The following SHANK2 variants were observed in gnomAD, a reference collection of about 807,000 sequenced individuals.
SHANK2 encodes SH3 and multiple ankyrin repeat domains protein 2.
In SHANK2, 43 loss-of-function variants were observed where a neutral mutation model predicts 133.7. That is an observed-to-expected ratio of 0.32 (90% CI 0.25 to 0.41). The LOEUF is 0.41. Ranked by LOEUF, SHANK2 falls within the 10% of genes least tolerant of loss-of-function variation. The pLI, the probability that SHANK2 is intolerant of heterozygous loss-of-function variation, is 1.00. For missense variants in SHANK2, 1,994 were observed against 2,235.8 expected (o/e 0.89, Z 2.18); for synonymous variants, 1,017 against 952.8 (o/e 1.07, Z -1.24).
intron 3 of SHANK2, among the ~76,000 whole-genome samples, chr11:71,122,210 G>A (rs1213642827): frequency 3.9e-5 from 6 of 152,094 alleles, no homozygotes; most frequent in Non-Finnish European, 4.4e-5. Context: ...TGTTTACTGC[G>A]GCACTATTCA....
chr11:70,790,772 TG>T (rs1413413920), intron 14 of SHANK2, among the ~76,000 whole-genome samples: 1 of 152,170 alleles, frequency 6.6e-6, no homozygotes, highest in Admixed American at 6.5e-5. Context: ...CACCAGGAGG[TG>T]GCTCCTGGCC....
intron 10 of SHANK2, among the ~76,000 whole-genome samples, chr11:70,928,129 C>T (rs919162003): frequency 6.6e-6 from 1 of 151,972 alleles, no homozygotes; most frequent in Non-Finnish European, 1.5e-5. Context: ...TCTAGAGAAC[C>T]CTGGCTAATA....
intron 10 of SHANK2, among the ~76,000 whole-genome samples, chr11:70,932,843 A>C (rs1817695612): frequency 6.6e-6 from 1 of 152,248 alleles, no homozygotes; most frequent in African/African-American, 2.4e-5. Flanking sequence ...TACATAGAAA[A>C]AAAAAGGAAA....
At chr11:70,525,631 G>C (rs929268376) in intron 17 of SHANK2, among the ~76,000 whole-genome samples, 1 of 152,052 alleles carries the variant, frequency 6.6e-6, no homozygotes, top group African/African-American at 2.4e-5. Flanking sequence ...CAGGGTCCTG[G>C]TACTGTGCAG....
At chr11:71,058,363 G>A (rs1327677475) in intron 9 of SHANK2, among the ~76,000 whole-genome samples, 1 of 152,204 alleles carries the variant, frequency 6.6e-6, no homozygotes, top group Admixed American at 6.5e-5. Flanking sequence ...GAATGTTGAC[G>A]TAGCCAATAA....
chr11:70,876,404 C>CA (rs541177567), intron 11 of SHANK2, among the ~76,000 whole-genome samples: 146 of 150,708 alleles, frequency 9.7e-4, no homozygotes, highest in African/African-American at 3.2e-3. Context: ...ACTAAAAATA[C>CA]AAAAAATTAG....
intron 2 of SHANK2, among the ~76,000 whole-genome samples, chr11:71,166,821 G>A (rs1307679755): frequency 6.7e-6 from 1 of 148,940 alleles, no homozygotes; most frequent in Non-Finnish European, 1.5e-5. Context: ...GATCATTCTT[G>A]GGTGTTTCTC....
At chr11:70,767,448 A>G (rs1011370008) in intron 14 of SHANK2, among the ~76,000 whole-genome samples, 2 of 152,192 alleles carry the variant, frequency 1.3e-5, no homozygotes, top group African/African-American at 4.8e-5. Context: ...GAAGGGTGGG[A>G]GCAACCCAAG....
At chr11:70,664,451 T>C (rs1441515608) in intron 15 of SHANK2, among the ~76,000 whole-genome samples, 3 of 152,184 alleles carry the variant, frequency 2.0e-5, no homozygotes, top group Non-Finnish European at 4.4e-5. Flanking sequence ...CAAGAGGAGC[T>C]GCTGAGGGTG....
intron 17 of SHANK2, among the ~76,000 whole-genome samples, chr11:70,632,228 T>G (rs900641627): frequency 6.6e-6 from 1 of 151,930 alleles, no homozygotes; most frequent in Non-Finnish European, 1.5e-5. Context: ...TTCATGCCAT[T>G]CTCCTGCCTC....
intron 17 of SHANK2, among the ~76,000 whole-genome samples, chr11:70,515,637 GAAAAAA>G (rs58440823): frequency 8.8e-5 from 7 of 79,958 alleles, no homozygotes; most frequent in Admixed American, 3.5e-4. Flanking sequence ...CTCGTTCCTT[GAAAAAA>G]AAAAAAAAAA....
chr11:71,229,612 T>C (rs903198639), intron 1 of SHANK2, among the ~76,000 whole-genome samples: 1 of 151,202 alleles, frequency 6.6e-6, no homozygotes, highest in African/African-American at 2.4e-5. Context: ...CTATTACAAA[T>C]ACAAAAATTA....
At chr11:70,612,439 C>G (rs998605963) in intron 17 of SHANK2, among the ~76,000 whole-genome samples, 1 of 152,186 alleles carries the variant, frequency 6.6e-6, no homozygotes, top group Non-Finnish European at 1.5e-5. Context: ...TACGTGTGTA[C>G]ACGTATACAT....
At chr11:70,841,741 G>A (rs780592605) in intron 11 of SHANK2, among the ~76,000 whole-genome samples, 6 of 152,174 alleles carry the variant, frequency 3.9e-5, no homozygotes, top group Admixed American at 6.5e-5. Flanking sequence ...CCAGGATGAC[G>A]TGACTGCTCC....
At chr11:71,131,379 T>C (rs1419893830) in intron 3 of SHANK2, among the ~76,000 whole-genome samples, 2 of 151,788 alleles carry the variant, frequency 1.3e-5, no homozygotes, top group African/African-American at 4.8e-5. Context: ...GGTCCAAGAG[T>C]CAGGCTTAGT....
chr11:71,150,669 T>G (rs1415884712), intron 2 of SHANK2, among the ~76,000 whole-genome samples: 2 of 152,108 alleles, frequency 1.3e-5, no homozygotes, highest in East Asian at 3.9e-4. Flanking sequence ...TGTTCTTTCT[T>G]TGTAAGAAAG....
chr11:70,524,516 A>G (rs1554971768), intron 17 of SHANK2, among the ~76,000 whole-genome samples: 1 of 152,202 alleles, frequency 6.6e-6, no homozygotes, highest in Non-Finnish European at 1.5e-5. Context: ...AAGGAGTACT[A>G]GTAGGAGTCT....
intron 14 of SHANK2, among the ~76,000 whole-genome samples, chr11:70,787,191 G>A (rs1162933234): frequency 3.2e-5 from 4 of 126,812 alleles, no homozygotes; most frequent in Non-Finnish European, 6.6e-5. Context: ...ACCAACACCA[G>A]CATCACCAAC....
chr11:70,500,556 T>A lies in SHANK2; in HGVS notation c.2308+14A>T. 2 of 1,600,986 alleles carry A rather than the reference T, an allele frequency of 1.2e-6. No homozygotes were observed. Among genetic ancestry groups the A allele is most frequent in the South Asian group, 2.3e-5 (2 of 88,348 alleles). On this transcript the variant is annotated intron_variant, in intron 21 of 25. Coordinates refer to ENST00000601538, the MANE Select transcript of SHANK2 (RefSeq NM_012309.5). This position sits in a 1 kb window ranked among gnomAD's most constrained non-coding sequence, Gnocchi z 4.5. Reference sequence around the variant, plus strand: ...ATGGGCAGGGGGCTGAGACAGACACTGGGCCTCCCTTACCCTTCTTCTTCC... The same window carrying A: ...ATGGGCAGGGGGCTGAGACAGACACAGGGCCTCCCTTACCCTTCTTCTTCC...
Sources: allele counts gnomAD v4.1 joint callset (sites outside exome capture counted in the v4.1 genomes callset), GRCh38; gene constraint gnomAD v4.1.1; non-coding constraint Gnocchi (gnomAD v3.1); transcripts MANE v1.5; gene names NCBI Gene and HGNC (gene_info 2026-07-23, HGNC 2026-07-21).